The following ASAP1 variants were observed in gnomAD, a reference collection of about 807,000 sequenced individuals.
ASAP1 encodes ArfGAP with SH3 domain, ankyrin repeat and PH domain 1.
ASAP1 carries 43 observed loss-of-function variants against 145.2 expected under a neutral mutation model. The observed-to-expected ratio is 0.30, with a 90% confidence interval of 0.23 to 0.38. The LOEUF (loss-of-function observed/expected upper bound fraction) is 0.38. Ranked by LOEUF, ASAP1 falls within the 10% of genes least tolerant of loss-of-function variation. The pLI is 1.00. For missense variants in ASAP1, 1,018 were observed against 1,355.3 expected (o/e 0.75, Z 3.91); for synonymous variants, 546 against 515.5 (o/e 1.06, Z -0.80).
At chr8:130,270,031 G>A (rs920359605) in intron 3 of ASAP1, among the ~76,000 whole-genome samples, 3 of 152,116 alleles carry the variant, frequency 2.0e-5, no homozygotes, top group South Asian at 2.1e-4. Context: ...TTAGCCAGGC[G>A]TGGTGGCCCA....
chr8:130,392,694 A>G (rs1828336509), intron 2 of ASAP1, among the ~76,000 whole-genome samples: 1 of 152,176 alleles, frequency 6.6e-6, no homozygotes, highest in South Asian at 2.1e-4. Context: ...TGCAGGTTGC[A>G]CAAGAAGCCA....
chr8:130,161,975 T>C (rs1486301059), intron 11 of ASAP1, among the ~76,000 whole-genome samples: 3 of 152,114 alleles, frequency 2.0e-5, no homozygotes, highest in African/African-American at 4.8e-5. Flanking sequence ...TAATTTTTGC[T>C]TTTTTGTAGG....
intron 3 of ASAP1, among the ~76,000 whole-genome samples, chr8:130,314,910 A>AAG (rs1189537548): frequency 3.3e-5 from 5 of 152,262 alleles, no homozygotes; most frequent in South Asian, 2.1e-4. Flanking sequence ...TCTGAACTTT[A>AAG]AGAGAGAGAG....
intron 3 of ASAP1, among the ~76,000 whole-genome samples, chr8:130,354,550 G>C (rs1419921293): frequency 6.6e-6 from 1 of 152,192 alleles, no homozygotes; most frequent in Non-Finnish European, 1.5e-5. Flanking sequence ...CCCTTCTACT[G>C]TCTGGGTCAC....
At chr8:130,394,450 A>T (rs1164879343) in intron 2 of ASAP1, among the ~76,000 whole-genome samples, 1 of 152,140 alleles carries the variant, frequency 6.6e-6, no homozygotes, top group African/African-American at 2.4e-5. Context: ...GCTCTCAAAC[A>T]TGTTATCAAT....
intron 23 of ASAP1, among the ~76,000 whole-genome samples, chr8:130,113,974 G>A (rs1049691028): frequency 9.9e-5 from 15 of 151,928 alleles, no homozygotes; most frequent in African/African-American, 3.6e-4. Context: ...TAGAGAGAGG[G>A]TTTCGCCATG....
chr8:130,151,698 G>A (rs987285391), intron 13 of ASAP1, among the ~76,000 whole-genome samples: 1 of 152,230 alleles, frequency 6.6e-6, no homozygotes, highest in Non-Finnish European at 1.5e-5. Context: ...TACCACAAAG[G>A]ACTGGGCCAC....
chr8:130,069,803 T>C (rs1418372741), intron 27 of ASAP1, among the ~76,000 whole-genome samples: 2 of 152,098 alleles, frequency 1.3e-5, no homozygotes, highest in East Asian at 3.9e-4. Context: ...ATGAAACATA[T>C]GATATGAAAT....
At position 130,431,337 on chromosome 8, in the gene ASAP1, C is replaced by T. The variant is rs73427432; in HGVS notation, c.-28+12123G>A. Reference sequence around the variant, plus strand: ...CCCTGCCTTAAGCCTTCAGTGGTTCCTCAGCGGCTTCAAGATAAAGTTCAA... The same window carrying T: ...CCCTGCCTTAAGCCTTCAGTGGTTCTTCAGCGGCTTCAAGATAAAGTTCAA... On this transcript the variant is annotated intron_variant, in intron 1 of 29. Coordinates refer to ENST00000518721, the MANE Select transcript of ASAP1 (RefSeq NM_018482.4). 5.7e-3 allele frequency among the ~76,000 whole-genome samples: 866 copies of T among 152,302 alleles called. 8 individuals are homozygous for T. The highest frequency in any genetic ancestry group is 0.02 in the African/African-American group (839 of 41,550).
At chr8:130,077,750 C>G (rs376558131) in intron 26 of ASAP1, among the ~76,000 whole-genome samples, 2 of 152,196 alleles carry the variant, frequency 1.3e-5, no homozygotes, top group African/African-American at 4.8e-5. Flanking sequence ...GGTGTGTGCT[C>G]CTTTCTGTCC....
intron 3 of ASAP1, among the ~76,000 whole-genome samples, chr8:130,293,223 GC>G: frequency 6.6e-6 from 1 of 152,296 alleles, no homozygotes; most frequent in East Asian, 1.9e-4. Context: ...TGACGAGGAG[GC>G]TCAGATTCAG....
At chr8:130,245,702 G>A (rs111373607) in intron 3 of ASAP1, among the ~76,000 whole-genome samples, 2,541 of 152,214 alleles carry the variant, frequency 0.017, 70 homozygotes, top group African/African-American at 0.055. Context: ...GCCCAGAGTA[G>A]GGCTCAATAA....
At chr8:130,076,623 G>A (rs2097462998) in intron 26 of ASAP1, among the ~76,000 whole-genome samples, 1 of 152,072 alleles carries the variant, frequency 6.6e-6, no homozygotes, top group Non-Finnish European at 1.5e-5. Flanking sequence ...CTGGGTTCAA[G>A]CAATTCCCTG....
chr8:130,405,690 T>C (rs896317518), intron 1 of ASAP1, among the ~76,000 whole-genome samples: 1 of 152,164 alleles, frequency 6.6e-6, no homozygotes, highest in African/African-American at 2.4e-5. Flanking sequence ...CTGTGTGAGG[T>C]GTGACACCAT....
chr8:130,257,957 G>A (rs1395675246), intron 3 of ASAP1, among the ~76,000 whole-genome samples: 2 of 152,078 alleles, frequency 1.3e-5, no homozygotes, highest in Admixed American at 1.3e-4. Flanking sequence ...GTTTTACATG[G>A]CCTGTATAAT....
chr8:130,382,463 T>C (rs1342205928), intron 2 of ASAP1, among the ~76,000 whole-genome samples: 1 of 152,106 alleles, frequency 6.6e-6, no homozygotes, highest in Non-Finnish European at 1.5e-5. Context: ...ACTGCTCTGA[T>C]AAAGGAGAAG....
chr8:130,276,242 G>A (rs917754274), intron 3 of ASAP1, among the ~76,000 whole-genome samples: 1 of 152,182 alleles, frequency 6.6e-6, no homozygotes, highest in African/African-American at 2.4e-5. Context: ...GGGGGGCACT[G>A]GGCCGCTCCA....
chr8:130,150,782 A>C (rs1352081865), intron 13 of ASAP1, among the ~76,000 whole-genome samples: 2 of 152,146 alleles, frequency 1.3e-5, no homozygotes, highest in Non-Finnish European at 2.9e-5. Context: ...TAGGAGGCTG[A>C]GATGGGAGGA....
intron 24 of ASAP1, among the ~76,000 whole-genome samples, chr8:130,110,458 C>CT (rs2097544819): frequency 6.6e-6 from 1 of 152,228 alleles, no homozygotes; most frequent in East Asian, 1.9e-4. Flanking sequence ...TCTCTGCTCT[C>CT]TGTCAGACTG....
Sources: allele counts gnomAD v4.1 joint callset (sites outside exome capture counted in the v4.1 genomes callset), GRCh38; gene constraint gnomAD v4.1.1; transcripts MANE v1.5; gene names NCBI Gene and HGNC (gene_info 2026-07-23, HGNC 2026-07-21).